Variants in ARHGEF15 observed in about 807,000 individuals in gnomAD.
The protein encoded by ARHGEF15 is Rho guanine nucleotide exchange factor 15.
Under a neutral mutation model 79.7 loss-of-function variants are expected in ARHGEF15, and 58 were observed. The observed-to-expected ratio is 0.73, with a 90% CI of 0.59 to 0.91. The LOEUF (loss-of-function observed/expected upper bound fraction) is 0.91. Among genes scored for constraint, ARHGEF15 ranks in the 40% least tolerant of loss-of-function variants. The probability of loss-of-function intolerance (pLI) is 0.00; values close to 1 mark genes in which losing one functional copy is unlikely to be tolerated. For synonymous variants in ARHGEF15, 442 were observed against 456.0 expected (o/e 0.97, Z 0.39); for missense variants, 1,012 against 1,108.1 (o/e 0.91, Z 1.23).
chr17:8,312,971 C>T lies in ARHGEF15; in HGVS notation c.651C>T (p.Thr217=). The T allele has an allele frequency of 6.3e-7, 1 of 1,598,786 alleles. No homozygotes were observed. The highest frequency in any genetic ancestry group is 1.7e-5 in the Admixed American group (1 of 59,172). ...GCTGCCCCTGTGTCTGCCACACCAC[C>T]CGGCCTGGCCTGGAGCTCAGATGGG... ...PPCCPCVCHT[T]RPGLELRWVP... is the part of the protein sequence containing the mutation. The change falls in exon 3 of 16, where the codon ACC becomes ACT. Residue 217 remains threonine (T), a synonymous_variant. Coordinates refer to ENST00000361926, the MANE Select transcript of ARHGEF15 (RefSeq NM_173728.4).
chr17:8,312,746 G>A (rs1158771616), intron 2 of ARHGEF15, 106 bp downstream of exon 2: 1 of 1,596,832 alleles, frequency 6.3e-7, no homozygotes, highest in Admixed American at 1.7e-5. Flanking sequence ...TGGAGTTAAT[G>A]TTTGGGATAT....
intron 4 of ARHGEF15, chr17:8,313,837 C>T (rs1315840944): frequency 2.9e-6 from 1 of 344,772 alleles, no homozygotes; most frequent in Non-Finnish European, 5.2e-6. Flanking sequence ...CAAGATCAGC[C>T]TGGCTAACGT....
Position 8,312,970 on chromosome 17 carries a change from C to T in ARHGEF15, c.650C>T (p.Thr217Ile), listed in dbSNP as rs566069197. 1.0e-4 allele frequency: 163 copies of T among 1,598,174 alleles called. 2 individuals are homozygous for T. Among genetic ancestry groups the T allele is most frequent in the Middle Eastern group, 1.0e-3 (6 of 5,970 alleles). ...TGCTGCCCCTGTGTCTGCCACACCA[C>T]CCGGCCTGGCCTGGAGCTCAGATGG... is the stretch of plus-strand genomic sequence containing the variant. ...PPCCPCVCHT[T>I]RPGLELRWVP... is the part of the protein sequence containing the mutation. The change falls in exon 3 of 16, where the codon ACC becomes ATC. Residue 217 changes from threonine (T) to isoleucine (I), a missense_variant. Thr to Ile is a moderately conservative substitution (Grantham distance 89). This residue lies in a region of ARHGEF15 where 818 missense variants were observed against 882.5 expected (regional missense o/e 0.93). Coordinates refer to ENST00000361926, the MANE Select transcript of ARHGEF15 (RefSeq NM_173728.4).
intron 2 of ARHGEF15, 123 bp downstream of exon 2, chr17:8,312,763 T>A: frequency 6.3e-7 from 1 of 1,591,238 alleles, no homozygotes; most frequent in Non-Finnish European, 8.5e-7. Context: ...ATATCTGGTT[T>A]CTGTATGTCG....
At chr17:8,311,049 GCTGCAAGACCCATCAT>G (rs1399868404) in intron 1 of ARHGEF15, among the ~76,000 whole-genome samples, 1 of 145,716 alleles carries the variant, frequency 6.9e-6, no homozygotes, top group East Asian at 2.9e-4. Context: ...AGGCCACTGA[GCTGCAAGACCCATCAT>G]CTACAACCCC....
At position 8,320,877 on chromosome 17, in the gene ARHGEF15, C is replaced by T; in HGVS notation, c.2410C>T (p.Gln804Ter). Residue 804 changes from glutamine (Q) to a stop codon, truncating the protein, a stop_gained, in exon 16 of 16, where the codon CAG becomes TAG. Coordinates refer to ENST00000361926, the MANE Select transcript of ARHGEF15 (RefSeq NM_173728.4). LOFTEE classifies it high-confidence loss of function. ...LKGLPGAFPA[Q>*]LVCEVTGEHE... ...GGGGCTTCCTGGGGCCTTCCCTGCC[C>T]AGCTGGTGTGTGAAGTCACAGGGGA... The T allele has an allele frequency of 6.2e-7, 1 of 1,613,540 alleles. No homozygotes were observed. The highest frequency in any genetic ancestry group is 8.5e-7 in the Non-Finnish European group (1 of 1,179,946).
rs1387991615 is a variant in ARHGEF15 at position 8,314,929 on chromosome 17, T to C, written c.1013T>C (p.Leu338Pro). Residue 338 changes from leucine to proline, a missense_variant, in exon 5 of 16, where the codon CTG becomes CCG. This residue lies in a region of ARHGEF15 where 818 missense variants were observed against 882.5 expected (regional missense o/e 0.93). Transcript: ENST00000361926. ...EGREEEGLEV[L>P]KEQNWELPLQ... Reference sequence around the variant, plus strand: ...AGGGAAGAGGAGGGGCTAGAGGTGCTGAAGGAGCAGAATTGGGAGCTGCCC... The same window carrying C: ...AGGGAAGAGGAGGGGCTAGAGGTGCCGAAGGAGCAGAATTGGGAGCTGCCC... 1 of 1,613,870 alleles carries C rather than the reference T, an allele frequency of 6.2e-7. No homozygotes were observed. Among genetic ancestry groups the C allele is most frequent in the Non-Finnish European group, 8.5e-7 (1 of 1,179,984 alleles).
rs1238756702 is a variant in ARHGEF15 at position 8,318,971 on chromosome 17, C to G, written c.2034-36C>G. 6.2e-7 allele frequency: 1 copy of G among 1,609,858 alleles called. No homozygotes were observed. ...TGGGCAGGAGGGGTCCAGCGGGACC[C>G]CTGCTGTCCTTCTGAACGACCTCAT... On this transcript the variant is annotated intron_variant, in intron 12 of 15. Coordinates refer to ENST00000361926, the MANE Select transcript of ARHGEF15 (RefSeq NM_173728.4). The surrounding 1 kb of genome is among the most constrained non-coding windows in gnomAD (Gnocchi z 5.0).
Position 8,318,590 on chromosome 17 carries a change from T to C in ARHGEF15, c.1800T>C (p.Ala600=), listed in dbSNP as rs772323681. 1.2e-6 allele frequency: 2 copies of C among 1,613,772 alleles called. No individual in the cohort carries two copies. Among genetic ancestry groups the C allele is most frequent in the Non-Finnish European group, 1.7e-6 (2 of 1,179,748 alleles). Residue 600 remains alanine (A), a synonymous_variant, in exon 11 of 16, where the codon GCT becomes GCC. Transcript: ENST00000361926. The surrounding 1 kb of genome is among the most constrained non-coding windows in gnomAD (Gnocchi z 5.0). The stretch of plus-strand genomic sequence containing the variant: ...CCTAGATCATCGAGCGTTGCAGCGC[T>C]GAGGTGGGGCGCATGAAGCAGACTG... ...AVSKIIERCS[A]EVGRMKQTEE... is the part of the protein sequence containing the mutation.
rs1904708883 is a variant in ARHGEF15 at position 8,312,514 on chromosome 17, G to T, written c.475G>T (p.Gly159Trp). Residue 159 changes from glycine (G) to tryptophan (W), a missense_variant, in exon 2 of 16, where the codon GGG becomes TGG. Gly to Trp is a radical substitution (Grantham distance 184). This residue lies in a region of ARHGEF15 where 818 missense variants were observed against 882.5 expected (regional missense o/e 0.93). Transcript: ENST00000361926. ...GCGGAGGCTGGCTGGCAGGTTTGAA[G>T]GGGGTGCTGAAGGCCGGGCTCAGGA... Reference protein sequence around the residue: ...TVRRLAGRFEGGAEGRAQDAD... With the variant: ...TVRRLAGRFEWGAEGRAQDAD... 6.2e-7 allele frequency: 1 copy of T among 1,611,898 alleles called. No homozygotes were observed. Among genetic ancestry groups the T allele is most frequent in the Non-Finnish European group, 8.5e-7 (1 of 1,179,136 alleles).
At chr17:8,316,923 C>T (rs1354569707) in intron 9 of ARHGEF15, among the ~76,000 whole-genome samples, 1 of 152,162 alleles carries the variant, frequency 6.6e-6, no homozygotes, top group Non-Finnish European at 1.5e-5. Context: ...GCTGGGATTA[C>T]AGGTGTGGAC....
rs934650053 is a variant in ARHGEF15, at chr17:8,315,474, G to A, written c.1321G>A (p.Asp441Asn). 6.2e-7 allele frequency: 1 copy of A among 1,613,658 alleles called. No individual in the cohort carries two copies. Among genetic ancestry groups the A allele is most frequent in the East Asian group, 2.2e-5 (1 of 44,868 alleles). ...SYLRSLRLLTDTFVLSQALRD... is the reference protein window; with the variant it reads ...SYLRSLRLLTNTFVLSQALRD... The stretch of plus-strand genomic sequence containing the variant: ...CCTGCGCTCCCTGCGGCTGCTGACC[G>A]ACACCTTCGTGCTGAGCCAGGCACT... Residue 441 changes from aspartate to asparagine, a missense_variant, in exon 7 of 16, where the codon GAC becomes AAC. Coordinates refer to ENST00000361926, the MANE Select transcript of ARHGEF15 (RefSeq NM_173728.4). The surrounding 1 kb of genome is among the most constrained non-coding windows in gnomAD (Gnocchi z 4.3).
At position 8,312,652 on chromosome 17, in the gene ARHGEF15, G is replaced by A. The variant is rs372262256; in HGVS notation, c.601+12G>A. 198 of 1,611,816 alleles carry A rather than the reference G, an allele frequency of 1.2e-4. No individual in the cohort carries two copies. Among genetic ancestry groups the A allele is most frequent in the Middle Eastern group, 3.3e-4 (2 of 6,084 alleles). On this transcript the variant is annotated intron_variant, in intron 2 of 15. Transcript: ENST00000361926. ...GAACGGTGCTCCAGGTGAGTGTGGC[G>A]GGTGGGGGGCGCTGGGTGACCTCAA...
Position 8,318,666 on chromosome 17 carries a change from C to T in ARHGEF15, c.1872+4C>T, listed in dbSNP as rs975592025. 10 of 1,612,208 alleles carry T rather than the reference C, an allele frequency of 6.2e-6. No homozygotes were observed. Among genetic ancestry groups the T allele is most frequent in the South Asian group, 4.4e-5 (4 of 90,906 alleles). ...GCTGCGCTTCCACAAAGTCAAGGTA[C>T]ATCGCTGCCCAGGCTCCCCATCTTG... On this transcript the variant is annotated splice_donor_region_variant and intron_variant, in intron 11 of 15. Coordinates refer to ENST00000361926, the MANE Select transcript of ARHGEF15 (RefSeq NM_173728.4). This position sits in a 1 kb window ranked among gnomAD's most constrained non-coding sequence, Gnocchi z 5.0.
In ARHGEF15 at chr17:8,318,435, C is replaced by T; in HGVS notation, c.1753C>T (p.Gln585Ter). 1 of 1,614,084 alleles carries T rather than the reference C, an allele frequency of 6.2e-7. No individual in the cohort carries two copies. The highest frequency in any genetic ancestry group is 1.1e-5 in the South Asian group (1 of 91,084). ...GGGGTCCAGCCGTCAGGAGAATGCC[C>T]AGAAGGCCCTGGGTGCTGTCAGCAA... ...EEGSSRQENA[Q>*]KALGAVSKII... Residue 585 changes from glutamine (Q) to a stop codon, truncating the protein, a stop_gained, in exon 10 of 16, where the codon CAG becomes TAG. Coordinates refer to ENST00000361926, the MANE Select transcript of ARHGEF15 (RefSeq NM_173728.4). LOFTEE classifies it high-confidence loss of function. This position sits in a 1 kb window ranked among gnomAD's most constrained non-coding sequence, Gnocchi z 5.0.
chr17:8,319,049 G>C lies in ARHGEF15; in HGVS notation c.2076G>C (p.Leu692=). 7 of 1,613,964 alleles carry C rather than the reference G, an allele frequency of 4.3e-6. No homozygotes were observed. Among genetic ancestry groups the C allele is most frequent in the African/African-American group, 1.3e-5 (1 of 75,006 alleles). The change falls in exon 13 of 16, where the codon CTG becomes CTC. Residue 692 remains leucine, a synonymous_variant. Transcript: ENST00000361926. Reference sequence around the variant, plus strand: ...TTCTGGACTATGCCCATCGCTCCCTGGTCCAGGCCCAGCAGGTTCCGGATC... The same window carrying C: ...TTCTGGACTATGCCCATCGCTCCCTCGTCCAGGCCCAGCAGGTTCCGGATC... ...LQVLDYAHRS[L]VQAQQVPDPS...
Position 8,319,377 on chromosome 17 carries a change from C to G in ARHGEF15, c.2252C>G (p.Thr751Ser). ...GGCCCCCTTCCCTGCTCCCCAGACA[C>G]CATCTATGAGGACTGTGGTGAGTAT... ...TPGPLPCSPD[T>S]IYEDCDCSQE... Residue 751 changes from threonine (T) to serine (S), a missense_variant, in exon 14 of 16, where the codon ACC (threonine) becomes AGC (serine). By Grantham distance (58) the Thr-to-Ser change is moderately conservative. This residue lies in a region of ARHGEF15 where 132 missense variants were observed against 124.2 expected (regional missense o/e 1.06). Coordinates refer to ENST00000361926, the MANE Select transcript of ARHGEF15 (RefSeq NM_173728.4). The G allele has an allele frequency of 6.2e-7, 1 of 1,614,016 alleles. No homozygotes were observed.
chr17:8,314,793 G>T (rs942176110), intron 4 of ARHGEF15, 113 bp from the exon 5 acceptor site: 26 of 1,244,668 alleles, frequency 2.1e-5, no homozygotes, highest in Non-Finnish European at 2.8e-5. Context: ...GAGCCGTCAG[G>T]GTCCCTACAT....
chr17:8,319,222 C>A (rs1277343084), intron 13 of ARHGEF15, 63 bp downstream of exon 13: 2 of 1,606,270 alleles, frequency 1.2e-6, no homozygotes, highest in Non-Finnish European at 1.7e-6. Flanking sequence ...AGACCTCCCC[C>A]ACTTCCCCAG....
Sources: allele counts gnomAD v4.1 joint callset (sites outside exome capture counted in the v4.1 genomes callset), GRCh38; gene constraint gnomAD v4.1.1; regional missense constraint gnomAD v4.1.1; non-coding constraint Gnocchi (gnomAD v3.1); transcripts MANE v1.5; gene names NCBI Gene and HGNC (gene_info 2026-07-23, HGNC 2026-07-21).